Variants in PRLR observed in about 807,000 individuals in gnomAD.
PRLR encodes the protein prolactin receptor, also known as hPRL receptor.
In PRLR, 13 loss-of-function variants were observed where a neutral mutation model predicts 40.2. That is an observed-to-expected ratio of 0.32 (90% confidence interval 0.21 to 0.51). The LOEUF is 0.51. PRLR is among the 20% of genes least tolerant of loss of function. The pLI, the probability that PRLR is intolerant of heterozygous loss-of-function variation, is 0.97. For missense variants in PRLR, 656 were observed against 747.3 expected (o/e 0.88, Z 1.42); for synonymous variants, 269 against 278.7 (o/e 0.97, Z 0.35).
intron 5 of PRLR, among the ~76,000 whole-genome samples, chr5:35,076,519 A>G (rs1770107300): frequency 6.6e-6 from 1 of 152,212 alleles, no homozygotes; most frequent in Non-Finnish European, 1.5e-5. Flanking sequence ...GAAATGAACA[A>G]GGCCTCCAAG....
Position 35,068,169 on chromosome 5 carries a change from C to G in PRLR, c.855+47G>C, listed in dbSNP as rs780177781. 5.3e-6 allele frequency: 8 copies of G among 1,497,430 alleles called. No individual in the cohort carries two copies. In the South Asian group the frequency reaches 7.9e-5, roughly 15 times the overall value. 92.8% of individuals were successfully genotyped at this position (1,497,430 alleles called of 1,614,324 possible). A position where few individuals can be genotyped will look rare whatever the true frequency, so the allele number is the denominator to read the frequency against. On this transcript the variant is annotated intron_variant, in intron 9 of 9. Coordinates refer to ENST00000618457, the MANE Select transcript of PRLR (RefSeq NM_000949.7). ...GTGTGTGAGTGTGTAGAGTTAATTA[C>G]TACAGAGCAGTGAGTCACACTCCAT...
At chr5:35,157,498 G>A (rs764972433) in intron 1 of PRLR, among the ~76,000 whole-genome samples, 88 of 152,220 alleles carry the variant, frequency 5.8e-4, no homozygotes, top group African/African-American at 7.2e-4. Context: ...GTGGCTCTTC[G>A]GGGTTGCTTA....
chr5:35,194,857 T>G (rs1194449718), intron 1 of PRLR, among the ~76,000 whole-genome samples: 1 of 152,208 alleles, frequency 6.6e-6, no homozygotes, highest in Non-Finnish European at 1.5e-5. Flanking sequence ...TTGTTAAAAC[T>G]CATAGAACCA....
intron 1 of PRLR, among the ~76,000 whole-genome samples, chr5:35,172,216 C>T (rs1040425059): frequency 8.5e-5 from 13 of 152,204 alleles, no homozygotes; most frequent in East Asian, 3.9e-4. Context: ...ATGACAGGGC[C>T]GTGAGCTGGA....
intron 1 of PRLR, among the ~76,000 whole-genome samples, chr5:35,127,774 T>C (rs6884214): frequency 0.04 from 6,135 of 152,304 alleles, 418 homozygotes; most frequent in African/African-American, 0.14. Context: ...GATAGCATGA[T>C]TCCATTTACG....
chr5:35,168,153 C>T (rs986371376), intron 1 of PRLR, among the ~76,000 whole-genome samples: 2 of 151,650 alleles, frequency 1.3e-5, no homozygotes, highest in African/African-American at 4.8e-5. Context: ...AGGGTCAATT[C>T]ATCAGGAAAA....
intron 2 of PRLR, among the ~76,000 whole-genome samples, chr5:35,108,362 A>C (rs576562532): frequency 1.3e-5 from 2 of 152,210 alleles, no homozygotes; most frequent in African/African-American, 2.4e-5. Flanking sequence ...TAGTATTGGA[A>C]GTTCTGGCCA....
intron 1 of PRLR, among the ~76,000 whole-genome samples, chr5:35,222,252 G>A (rs933798779): frequency 1.3e-5 from 2 of 151,980 alleles, no homozygotes; most frequent in Non-Finnish European, 2.9e-5. Context: ...GCGGTGAGCC[G>A]AGATCGCGCC....
Position 35,061,124 on chromosome 5 carries a change from A to C in PRLR, c.*3965T>G, listed in dbSNP as rs1460890547. 1 of 151,098 alleles carries C rather than the reference A, an allele frequency of 6.6e-6. No homozygotes were observed. The highest frequency in any genetic ancestry group is 1.9e-4 in the East Asian group (1 of 5,182). The allele number at this position is 151,098 out of a possible 1,614,324, so 9.4% of individuals were successfully genotyped here. ...TTCATACATATCTATATCTATATCT[A>C]TATATATATATAATCCCTATAAGGC... On this transcript the variant is annotated 3_prime_UTR_variant, in exon 10 of 10. Transcript: ENST00000618457.
intron 5 of PRLR, among the ~76,000 whole-genome samples, chr5:35,072,992 G>A (rs904825687): frequency 4.6e-5 from 7 of 152,040 alleles, no homozygotes; most frequent in African/African-American, 7.2e-5. Flanking sequence ...GCATGTTCTC[G>A]CTTTTCATCA....
intron 1 of PRLR, among the ~76,000 whole-genome samples, chr5:35,221,467 G>A (rs1776418114): frequency 6.6e-6 from 1 of 152,122 alleles, no homozygotes; most frequent in Non-Finnish European, 1.5e-5. Context: ...GTTTTTTAAA[G>A]AACAGAATGA....
At position 35,059,294 on chromosome 5, in the gene PRLR, C is replaced by A. The variant is rs897859665; in HGVS notation, c.*5795G>T. ...AGATTATCTGTGGTCTATTTATTGA[C>A]CACACCTTATAAACAGGATAGGTTT... On this transcript the variant is annotated 3_prime_UTR_variant, in exon 10 of 10. Transcript: ENST00000618457. 3 of 151,980 alleles carry A rather than the reference C, an allele frequency of 2.0e-5. No individual in the cohort carries two copies. The highest frequency in any genetic ancestry group is 2.4e-5 in the African/African-American group (1 of 41,380). The allele number at this position is 151,980 out of a possible 1,614,324, so 9.4% of individuals were successfully genotyped here. A position where few individuals can be genotyped will look rare whatever the true frequency, so the allele number is the denominator to read the frequency against.
chr5:35,182,027 A>G (rs66492157), intron 1 of PRLR, among the ~76,000 whole-genome samples: 14,976 of 151,946 alleles, frequency 0.099, 931 homozygotes, highest in Non-Finnish European at 0.12. Context: ...TTTTTTTTAC[A>G]TGAGAAAGAC....
intron 1 of PRLR, among the ~76,000 whole-genome samples, chr5:35,229,306 A>G (rs781036483): frequency 9.9e-5 from 15 of 151,980 alleles, no homozygotes; most frequent in Non-Finnish European, 1.6e-4. Context: ...GGTCAACTTG[A>G]CAAATGAAGA....
Position 35,065,502 on chromosome 5 carries a change from T to C in PRLR, c.1456A>G (p.Thr486Ala). The change falls in exon 10 of 10, where the codon ACT (threonine) becomes GCT (alanine). Residue 486 changes from threonine (T) to alanine (A), a missense_variant. By Grantham distance (58) the Thr-to-Ala change is moderately conservative. Transcript: ENST00000618457. ...QREVESFHSE[T>A]DQDTPWLLPQ... ...AGCAGCCAGGGCGTATCCTGGTCAG[T>C]CTCAGAATGGAAGCTTTCTACCTCC... 1.9e-6 allele frequency: 3 copies of C among 1,614,122 alleles called. No homozygotes were observed. The highest frequency in any genetic ancestry group is 2.5e-6 in the Non-Finnish European group (3 of 1,180,020).
At chr5:35,150,647 G>A (rs1774316017) in intron 1 of PRLR, among the ~76,000 whole-genome samples, 1 of 152,100 alleles carries the variant, frequency 6.6e-6, no homozygotes, top group South Asian at 2.1e-4. Context: ...CCTACAAGGG[G>A]AAAGATATAT....
At chr5:35,182,325 A>C (rs1775315162) in intron 1 of PRLR, among the ~76,000 whole-genome samples, 1 of 152,172 alleles carries the variant, frequency 6.6e-6, no homozygotes, top group Non-Finnish European at 1.5e-5. Flanking sequence ...CCCTCTGTAA[A>C]TTGTGATGTA....
At chr5:35,099,007 T>C (rs933052747) in intron 2 of PRLR, among the ~76,000 whole-genome samples, 1 of 152,136 alleles carries the variant, frequency 6.6e-6, no homozygotes, top group East Asian at 1.9e-4. Context: ...CTCTCAAGAA[T>C]GTTGCTAAAT....
intron 1 of PRLR, among the ~76,000 whole-genome samples, chr5:35,124,375 A>G (rs1425130247): frequency 6.6e-6 from 1 of 151,848 alleles, no homozygotes; most frequent in South Asian, 2.1e-4. Flanking sequence ...CTCATGGTGC[A>G]TGCTTATGCT....
Sources: gnomAD v4.1 joint callset for allele counts (sites outside exome capture counted in the v4.1 genomes callset) on GRCh38, gnomAD v4.1.1 for gene constraint, MANE v1.5 for transcripts, NCBI Gene and HGNC (gene_info 2026-07-23, HGNC 2026-07-21) for gene names.